The following PALM2AKAP2 variants were observed in gnomAD, a reference collection of about 807,000 sequenced individuals.
PALM2AKAP2 encodes the protein PALM2 and AKAP2 fusion.
Under a neutral mutation model 71.5 loss-of-function variants are expected in PALM2AKAP2, and 37 were observed. That is an observed-to-expected ratio of 0.52 (90% CI 0.40 to 0.68). The LOEUF is 0.68. PALM2AKAP2 is among the 30% of genes least tolerant of loss of function. PALM2AKAP2 has a pLI of 0.00. For missense variants in PALM2AKAP2, 1,224 were observed against 1,191.8 expected (o/e 1.03, Z -0.40); for synonymous variants, 468 against 478.8 (o/e 0.98, Z 0.29).
At chr9:109,859,446 A>G (rs1189351269) in intron 1 of PALM2AKAP2, among the ~76,000 whole-genome samples, 1 of 152,230 alleles carries the variant, frequency 6.6e-6, no homozygotes, top group Admixed American at 6.5e-5. Flanking sequence ...TCCCAACACA[A>G]AGAAATGATA....
intron 1 of PALM2AKAP2, among the ~76,000 whole-genome samples, chr9:110,093,527 G>A (rs188432189): frequency 6.6e-6 from 1 of 152,308 alleles, no homozygotes; most frequent in Non-Finnish European, 1.5e-5. Context: ...TATTGTCTTG[G>A]ATAGAAATGC....
chr9:109,831,854 A>G (rs1454859389), intron 1 of PALM2AKAP2, among the ~76,000 whole-genome samples: 4 of 152,140 alleles, frequency 2.6e-5, no homozygotes, highest in Admixed American at 1.3e-4. Flanking sequence ...GCTTCTTAGT[A>G]GAAAAGAAAA....
rs35443425 is a variant in PALM2AKAP2, at chr9:110,051,906, CTT to C, written c.156+3064_156+3065del. Among the ~76,000 whole-genome samples the C allele has an allele frequency of 6.7e-3, 965 of 143,304 alleles. 12 individuals are homozygous for C. The highest frequency in any genetic ancestry group is 0.05 in the South Asian group (220 of 4,424). 94.0% of individuals were successfully genotyped at this position (143,304 alleles called of 152,430 possible). A position where few individuals can be genotyped will look rare whatever the true frequency, so the allele number is the denominator to read the frequency against. On this transcript the variant is annotated intron_variant, in intron 1 of 3. Coordinates refer to ENST00000374525, the Ensembl canonical transcript of PALM2AKAP2. ...GTAAGTTTGGGTAGCAAATTGCACCCTTTTTTTTTTTTTTGAAATGGAGTCTT... is the reference window on the plus strand; with the variant it reads ...GTAAGTTTGGGTAGCAAATTGCACCCTTTTTTTTTTTTGAAATGGAGTCTT...
chr9:109,906,886 A>G (rs1235521553), intron 3 of PALM2AKAP2, among the ~76,000 whole-genome samples: 1 of 152,200 alleles, frequency 6.6e-6, no homozygotes. Context: ...TGTGGCATTC[A>G]AGAGCCATCA....
intron 1 of PALM2AKAP2, among the ~76,000 whole-genome samples, chr9:109,833,661 T>A (rs764783510): frequency 6.6e-6 from 1 of 152,198 alleles, no homozygotes. Context: ...AATTCTTCAC[T>A]GTGTGGGACT....
intron 1 of PALM2AKAP2, among the ~76,000 whole-genome samples, chr9:110,094,209 G>T (rs114814689): frequency 2.0e-5 from 3 of 152,224 alleles, no homozygotes; most frequent in Non-Finnish European, 4.4e-5. Context: ...CCATGTGTGT[G>T]ATCTGCATCT....
At chr9:110,000,029 A>G (rs1270600005) in intron 6 of PALM2AKAP2, among the ~76,000 whole-genome samples, 1 of 144,312 alleles carries the variant, frequency 6.9e-6, no homozygotes, top group African/African-American at 2.6e-5. Context: ...TTTTAATTAT[A>G]CTTTAAGTTT....
chr9:109,837,127 GA>G (rs1457054305), intron 1 of PALM2AKAP2, among the ~76,000 whole-genome samples: 16 of 152,186 alleles, frequency 1.1e-4, no homozygotes, highest in South Asian at 2.1e-4. Context: ...GGCAGCCAGA[GA>G]AAAGGTCAGG....
intron 1 of PALM2AKAP2, chr9:109,765,489 C>CATGATCATCATG (rs1829137074): frequency 1.3e-5 from 2 of 152,780 alleles, no homozygotes; most frequent in Non-Finnish European, 2.8e-5. Context: ...TCATCATCAT[C>CATGATCATCATG]ATCATCATCA....
chr9:110,025,607 G>T (rs72754949), intron 7 of PALM2AKAP2, among the ~76,000 whole-genome samples: 2 of 150,688 alleles, frequency 1.3e-5, no homozygotes, highest in Non-Finnish European at 3.0e-5. Flanking sequence ...TTTTTAAAAA[G>T]CTGTCAGACT....
chr9:109,652,317 C>T (rs537752882), intron 1 of PALM2AKAP2, among the ~76,000 whole-genome samples: 1 of 152,020 alleles, frequency 6.6e-6, no homozygotes, highest in Non-Finnish European at 1.5e-5. Flanking sequence ...TGGCTTGGTA[C>T]CTTCCCTGAA....
intron 1 of PALM2AKAP2, among the ~76,000 whole-genome samples, chr9:109,701,575 C>T (rs1828058557): frequency 6.6e-6 from 1 of 152,156 alleles, no homozygotes; most frequent in African/African-American, 2.4e-5. Context: ...CTTCCTTACA[C>T]CTTATACAAA....
intron 6 of PALM2AKAP2, among the ~76,000 whole-genome samples, chr9:109,996,456 G>C (rs1416357352): frequency 6.6e-6 from 1 of 152,196 alleles, no homozygotes; most frequent in Non-Finnish European, 1.5e-5. Flanking sequence ...CTGAGGACTG[G>C]CACAGGCTAG....
intron 6 of PALM2AKAP2, among the ~76,000 whole-genome samples, chr9:109,976,609 C>A (rs1832177041): frequency 6.6e-6 from 1 of 152,178 alleles, no homozygotes; most frequent in South Asian, 2.1e-4. Context: ...GAGGTTTTCT[C>A]TGGCTTCCCT....
At chr9:110,048,401 C>T (rs911487900), upstream of PALM2AKAP2, among the ~76,000 whole-genome samples, 3 of 152,178 alleles carry the variant, frequency 2.0e-5, no homozygotes, top group Admixed American at 6.5e-5. Context: ...ATCCATATAC[C>T]CAGACACAGC....
intron 3 of PALM2AKAP2, among the ~76,000 whole-genome samples, chr9:109,886,584 T>C (rs761244748): frequency 1.3e-5 from 2 of 152,184 alleles, no homozygotes; most frequent in Admixed American, 6.5e-5. Context: ...AAAGCCAGGA[T>C]GTTAATTCTA....
At chr9:110,142,859 T>C (rs957558694) in intron 2 of PALM2AKAP2, among the ~76,000 whole-genome samples, 1 of 152,226 alleles carries the variant, frequency 6.6e-6, no homozygotes, top group Non-Finnish European at 1.5e-5. Flanking sequence ...GTTTACCCTA[T>C]GGTCAGTGAG....
At chr9:109,843,791 C>T (rs1435538278) in intron 1 of PALM2AKAP2, among the ~76,000 whole-genome samples, 2 of 152,184 alleles carry the variant, frequency 1.3e-5, no homozygotes, top group African/African-American at 4.8e-5. Flanking sequence ...TGGCCCCATC[C>T]CAGCTGTTCA....
rs555910295 is a variant in PALM2AKAP2, at chr9:109,764,370, C to T, written c.6-16118C>T. On this transcript the variant is annotated intron_variant, in intron 1 of 6. Transcript: ENST00000374531. Reference sequence around the variant, plus strand: ...GTCTCCCAGAACTCTAAACACACTGCGCTCTTTTACACCTCCTGGCCTTTG... The same window carrying T: ...GTCTCCCAGAACTCTAAACACACTGTGCTCTTTTACACCTCCTGGCCTTTG... Among the ~76,000 whole-genome samples, 49 of 152,174 alleles carry T rather than the reference C, an allele frequency of 3.2e-4. 1 individual carries two copies. The highest frequency in any genetic ancestry group is 2.6e-3 in the Admixed American group (39 of 15,290).
Sources: allele counts gnomAD v4.1 joint callset (sites outside exome capture counted in the v4.1 genomes callset), GRCh38; gene constraint gnomAD v4.1.1; transcripts MANE v1.5; gene names NCBI Gene and HGNC (gene_info 2026-07-23, HGNC 2026-07-21).